Variants in SCAMP1 observed in about 807,000 individuals in gnomAD.
The protein encoded by SCAMP1 is secretory carrier membrane protein 1.
Under a neutral mutation model 41.8 loss-of-function variants are expected in SCAMP1, and 15 were observed. That is an observed-to-expected ratio of 0.36 (90% CI 0.24 to 0.55). The LOEUF is 0.55. Ranked by LOEUF, SCAMP1 falls within the 20% of genes least tolerant of loss-of-function variation. The pLI is 0.86. For synonymous variants in SCAMP1, 135 were observed against 136.8 expected, an observed-to-expected ratio of 0.99 and a Z score of 0.09; for missense variants, 341 against 412.6, an observed-to-expected ratio of 0.83 and a Z score of 1.50.
Position 78,476,433 on chromosome 5 carries a change from A to T in SCAMP1, c.*765A>T, listed in dbSNP as rs777655903. On this transcript the variant is annotated 3_prime_UTR_variant, in exon 9 of 9. Transcript: ENST00000621999. ...AAGTTTATATAATATGCAGTACATTATCCAAAAGAGAAGGTAGTTAATGCA... is the reference window on the plus strand; with the variant it reads ...AAGTTTATATAATATGCAGTACATTTTCCAAAAGAGAAGGTAGTTAATGCA... 5 of 152,654 alleles carry T rather than the reference A, an allele frequency of 3.3e-5. No homozygotes were observed. Among genetic ancestry groups the T allele is most frequent in the Non-Finnish European group, 7.3e-5 (5 of 68,032 alleles). 9.5% of individuals were successfully genotyped at this position (152,654 alleles called of 1,614,324 possible).
intron 8 of SCAMP1, among the ~76,000 whole-genome samples, chr5:78,462,148 TGGA>T (rs1753632655): frequency 1.3e-5 from 2 of 152,000 alleles, no homozygotes; most frequent in Non-Finnish European, 2.9e-5. Flanking sequence ...ATTCTTCTTA[TGGA>T]GTTCTTTCAC....
intron 6 of SCAMP1, among the ~76,000 whole-genome samples, chr5:78,447,723 T>A (rs186748693): frequency 5.8e-4 from 89 of 152,170 alleles, no homozygotes; most frequent in African/African-American, 1.9e-3. Context: ...AAAATCAAGA[T>A]ATATAAAAGA....
intron 8 of SCAMP1, among the ~76,000 whole-genome samples, chr5:78,467,062 G>C (rs1448767120): frequency 1.3e-5 from 2 of 152,122 alleles, no homozygotes; most frequent in African/African-American, 4.8e-5. Flanking sequence ...CTTGAATTTG[G>C]GGAGTTTAAA....
rs1753985270 is a variant in SCAMP1 at position 78,475,572 on chromosome 5, G to C, written c.921G>C (p.Val307=). 6.2e-7 allele frequency: 1 copy of C among 1,611,184 alleles called. No individual in the cohort carries two copies. Among genetic ancestry groups the C allele is most frequent in the South Asian group, 1.1e-5 (1 of 90,594 alleles). ...CCCAACAGGAGTTTGCAACAGGTGT[G>C]ATGTCCAACAAAACTGTCCAGACCG... ...EKAQQEFATG[V]MSNKTVQTAA... Residue 307 remains valine (V), a synonymous_variant, in exon 9 of 9, where the codon GTG becomes GTC. Transcript: ENST00000621999.
At chr5:78,452,521 T>C (rs1225597629) in intron 7 of SCAMP1, among the ~76,000 whole-genome samples, 1 of 133,244 alleles carries the variant, frequency 7.5e-6, no homozygotes, top group African/African-American at 2.8e-5. Flanking sequence ...CATGAACTCA[T>C]CATTTTTTAT....
chr5:78,429,070 T>A (rs187310889), intron 6 of SCAMP1, among the ~76,000 whole-genome samples: 32 of 152,224 alleles, frequency 2.1e-4, no homozygotes, highest in Admixed American at 1.4e-3. Flanking sequence ...ATTATGATAA[T>A]GTCTTCTGCA....
chr5:78,373,919 C>G (rs933433046), intron 1 of SCAMP1, among the ~76,000 whole-genome samples: 2 of 152,022 alleles, frequency 1.3e-5, no homozygotes, highest in South Asian at 4.1e-4. Context: ...GGAGAGCTTG[C>G]CAGTTTAATA....
rs528563707 is a variant in SCAMP1 at position 78,391,762 on chromosome 5, C to T, written c.135+2848C>T. 2.6e-5 allele frequency among the ~76,000 whole-genome samples: 4 copies of T among 152,336 alleles called. No individual in the cohort carries two copies. In the East Asian group the frequency reaches 7.7e-4, roughly 29 times the overall value. On this transcript the variant is annotated intron_variant, in intron 2 of 8. Transcript: ENST00000621999. ...GACTCTGTCTGCAATCCCGGCACCT[C>T]AGAAGGCCGAGGCTGGCGGATCACT...
chr5:78,447,956 TGTC>T (rs1753099986), intron 6 of SCAMP1, among the ~76,000 whole-genome samples: 3 of 47,672 alleles, frequency 6.3e-5, no homozygotes, highest in African/African-American at 9.2e-5. Flanking sequence ...CCTCTTTCCC[TGTC>T]CTCCCTCTCC....
intron 7 of SCAMP1, among the ~76,000 whole-genome samples, chr5:78,454,688 C>T (rs146657454): frequency 0.034 from 5,200 of 152,178 alleles, 323 homozygotes; most frequent in African/African-American, 0.12. Flanking sequence ...CAGAATGATG[C>T]TGGCCTCATA....
At chr5:78,447,194 C>T (rs955592507) in intron 6 of SCAMP1, among the ~76,000 whole-genome samples, 3 of 152,232 alleles carry the variant, frequency 2.0e-5, no homozygotes, top group African/African-American at 7.2e-5. Flanking sequence ...TTCCACGAAA[C>T]AGGTCCCTGG....
chr5:78,371,856 C>T (rs1382867256), intron 1 of SCAMP1, among the ~76,000 whole-genome samples: 1 of 152,166 alleles, frequency 6.6e-6, no homozygotes, highest in African/African-American at 2.4e-5. Context: ...ACCCCTTAAA[C>T]TCTTAAAGCA....
chr5:78,422,358 C>T (rs1042352536), intron 6 of SCAMP1, among the ~76,000 whole-genome samples: 61 of 150,984 alleles, frequency 4.0e-4, no homozygotes, highest in Admixed American at 2.9e-3. Context: ...GGTAAATATA[C>T]ATGCAATATT....
At chr5:78,400,460 C>T (rs913135241) in intron 2 of SCAMP1, among the ~76,000 whole-genome samples, 7 of 152,126 alleles carry the variant, frequency 4.6e-5, no homozygotes, top group African/African-American at 1.7e-4. Context: ...GTTGGGAAAA[C>T]CTGACATCTT....
At chr5:78,369,086 G>T (rs1014492062) in intron 1 of SCAMP1, among the ~76,000 whole-genome samples, 4 of 151,654 alleles carry the variant, frequency 2.6e-5, no homozygotes, top group Non-Finnish European at 4.4e-5. Flanking sequence ...ACAACTGGTT[G>T]GTGGAATAGT....
At chr5:78,455,224 A>G (rs1753357504) in intron 7 of SCAMP1, among the ~76,000 whole-genome samples, 1 of 150,516 alleles carries the variant, frequency 6.6e-6, no homozygotes. Flanking sequence ...GCCTTCTGCT[A>G]GCTTTTGAAC....
intron 2 of SCAMP1, among the ~76,000 whole-genome samples, chr5:78,406,471 A>G (rs1387110005): frequency 1.3e-5 from 2 of 152,158 alleles, no homozygotes; most frequent in African/African-American, 2.4e-5. Context: ...GAGAAAATAT[A>G]TTTGCTTATG....
At chr5:78,442,613 G>A (rs925738761) in intron 6 of SCAMP1, among the ~76,000 whole-genome samples, 10 of 152,118 alleles carry the variant, frequency 6.6e-5, no homozygotes, top group African/African-American at 2.2e-4. Context: ...CAGTCCATTT[G>A]TGACCTAGGA....
intron 2 of SCAMP1, among the ~76,000 whole-genome samples, chr5:78,399,315 A>G (rs1372745262): frequency 6.6e-6 from 1 of 152,232 alleles, no homozygotes; most frequent in African/African-American, 2.4e-5. Context: ...GTAAGTTTTC[A>G]GTTCCTTTGG....
Sources: allele counts gnomAD v4.1 joint callset (sites outside exome capture counted in the v4.1 genomes callset), GRCh38; gene constraint gnomAD v4.1.1; transcripts MANE v1.5; gene names NCBI Gene and HGNC (gene_info 2026-07-23, HGNC 2026-07-21).